The following ST6GALNAC5 variants were observed in gnomAD, a reference collection of about 807,000 sequenced individuals.
ST6GALNAC5 encodes ST6 N-acetylgalactosaminide alpha-2,6-sialyltransferase 5.
In ST6GALNAC5, 27 loss-of-function variants were observed where a neutral mutation model predicts 33.6. That is an observed-to-expected ratio of 0.80 (90% confidence interval 0.59 to 1.11). The LOEUF (loss-of-function observed/expected upper bound fraction) is 1.11, where lower values mean the gene tolerates loss of function less well. Ranked by LOEUF, ST6GALNAC5 falls within the 50% of genes least tolerant of loss-of-function variation. The pLI is 0.00. For missense variants in ST6GALNAC5, 428 were observed against 454.0 expected, an observed-to-expected ratio of 0.94 and a Z score of 0.52; for synonymous variants, 194 against 171.2, an observed-to-expected ratio of 1.13 and a Z score of -1.04.
Position 76,868,305 on chromosome 1 carries a change from G to T in ST6GALNAC5, c.16-192G>T, listed in dbSNP as rs982180054. On this transcript the variant is annotated intron_variant, in intron 1 of 4. Transcript: ENST00000477717. This position sits in a 1 kb window ranked among gnomAD's most constrained non-coding sequence, Gnocchi z 4.3. ...CGGCGGCGGCCGAAAGCAGCGACGC[G>T]CCCGGAGCATCCCTTGCGATACGCT... Among the ~76,000 whole-genome samples, 1 of 151,942 alleles carries T rather than the reference G, an allele frequency of 6.6e-6. No homozygotes were observed. Among genetic ancestry groups the T allele is most frequent in the Non-Finnish European group, 1.5e-5 (1 of 67,988 alleles).
At chr1:76,959,441 A>T (rs1416902475) in intron 2 of ST6GALNAC5, among the ~76,000 whole-genome samples, 1 of 152,072 alleles carries the variant, frequency 6.6e-6, no homozygotes, top group Non-Finnish European at 1.5e-5. Context: ...GTTTATCTAG[A>T]CCTTCTGTTC....
At chr1:76,994,293 A>G (rs1014342161) in intron 2 of ST6GALNAC5, among the ~76,000 whole-genome samples, 4 of 152,256 alleles carry the variant, frequency 2.6e-5, no homozygotes, top group African/African-American at 9.6e-5. Flanking sequence ...AAAATGCGGT[A>G]TAACAACTTA....
At chr1:77,020,139 G>A (rs1227680121) in intron 2 of ST6GALNAC5, among the ~76,000 whole-genome samples, 3 of 152,196 alleles carry the variant, frequency 2.0e-5, no homozygotes. Flanking sequence ...ATTCTGAGCT[G>A]TAAATTGGGC....
chr1:76,904,071 T>C (rs529197519), intron 2 of ST6GALNAC5, among the ~76,000 whole-genome samples: 19 of 152,122 alleles, frequency 1.2e-4, no homozygotes, highest in African/African-American at 3.9e-4. Flanking sequence ...ATTGTGAAAA[T>C]AAAACAGGAA....
intron 2 of ST6GALNAC5, among the ~76,000 whole-genome samples, chr1:76,931,166 G>A (rs888593867): frequency 1.1e-4 from 16 of 152,206 alleles, no homozygotes; most frequent in African/African-American, 3.8e-4. Flanking sequence ...GTGACTGAAT[G>A]TGGCCTCTGC....
chr1:77,004,989 G>A (rs1459357224), intron 2 of ST6GALNAC5, among the ~76,000 whole-genome samples: 2 of 150,548 alleles, frequency 1.3e-5, no homozygotes, highest in African/African-American at 4.8e-5. Flanking sequence ...ACAGACGCAG[G>A]CAGGCCTCCT....
intron 2 of ST6GALNAC5, among the ~76,000 whole-genome samples, chr1:76,998,166 T>G (rs956334192): frequency 6.6e-6 from 1 of 152,152 alleles, no homozygotes. Context: ...CATAGCAGCA[T>G]GAAAACAGAC....
intron 2 of ST6GALNAC5, among the ~76,000 whole-genome samples, chr1:76,997,237 A>G (rs993172269): frequency 2.0e-5 from 3 of 152,198 alleles, no homozygotes; most frequent in Non-Finnish European, 4.4e-5. Flanking sequence ...TAGTTTTCAC[A>G]TGTAGGCGGT....
At chr1:76,882,972 C>A (rs1015894034) in intron 2 of ST6GALNAC5, among the ~76,000 whole-genome samples, 4 of 152,148 alleles carry the variant, frequency 2.6e-5, no homozygotes, top group Non-Finnish European at 4.4e-5. Flanking sequence ...ACATACCTTG[C>A]TGTTTTGTTC....
At chr1:76,909,510 G>C (rs1646892179) in intron 2 of ST6GALNAC5, among the ~76,000 whole-genome samples, 1 of 152,078 alleles carries the variant, frequency 6.6e-6, no homozygotes. Context: ...GTTTCTTTGT[G>C]AAGACATATG....
chr1:76,887,593 C>T (rs1405688316), intron 2 of ST6GALNAC5, among the ~76,000 whole-genome samples: 1 of 152,102 alleles, frequency 6.6e-6, no homozygotes, highest in Admixed American at 6.6e-5. Context: ...ATTCTAATTG[C>T]TTTATTCAGT....
chr1:76,912,481 G>T (rs1278857080), intron 2 of ST6GALNAC5, among the ~76,000 whole-genome samples: 5 of 152,026 alleles, frequency 3.3e-5, no homozygotes, highest in Non-Finnish European at 7.4e-5. Context: ...GGGTATCCTT[G>T]TTAACTTTCT....
chr1:76,999,801 C>T (rs1272056072), intron 2 of ST6GALNAC5, among the ~76,000 whole-genome samples: 1 of 143,186 alleles, frequency 7.0e-6, no homozygotes, highest in Admixed American at 7.1e-5. Flanking sequence ...TCATCCATGT[C>T]CCTACAAAGG....
rs148581074 is a variant in ST6GALNAC5, at chr1:77,044,582, G to A, written c.640G>A (p.Glu214Lys). The A allele has an allele frequency of 2.2e-5, 34 of 1,574,746 alleles. No homozygotes were observed. The East Asian group carries it at 7.0e-4, about 32-fold the overall frequency. ...ITRHKMLQFDELFKQETGKDR... is the reference protein window; with the variant it reads ...ITRHKMLQFDKLFKQETGKDR... The stretch of plus-strand genomic sequence containing the variant: ...TCGCCACAAGATGCTGCAGTTTGAT[G>A]AGCTCTTCAAGCAGGAGACTGGCAA... The change falls in exon 3 of 5, where the codon GAG becomes AAG. Residue 214 changes from glutamate (E) to lysine (K), a missense_variant. Transcript: ENST00000477717.
At chr1:76,891,475 T>C (rs554647357) in intron 2 of ST6GALNAC5, among the ~76,000 whole-genome samples, 137 of 152,330 alleles carry the variant, frequency 9.0e-4, no homozygotes, top group Non-Finnish European at 7.9e-4. Flanking sequence ...TAATATATTC[T>C]GGATACAAGT....
At chr1:77,054,323 C>A in intron 4 of ST6GALNAC5, among the ~76,000 whole-genome samples, 1 of 152,212 alleles carries the variant, frequency 6.6e-6, no homozygotes, top group East Asian at 1.9e-4. Context: ...TCCACTGATT[C>A]TATCAGGTGG....
At chr1:76,997,233 T>C (rs960486241) in intron 2 of ST6GALNAC5, among the ~76,000 whole-genome samples, 1 of 152,200 alleles carries the variant, frequency 6.6e-6, no homozygotes, top group African/African-American at 2.4e-5. Context: ...GGATTAGTTT[T>C]CACATGTAGG....
chr1:76,918,851 A>G (rs1489356191), intron 2 of ST6GALNAC5, among the ~76,000 whole-genome samples: 1 of 152,124 alleles, frequency 6.6e-6, no homozygotes, highest in African/African-American at 2.4e-5. Context: ...AGTGGCCTCT[A>G]CACTGAAGAA....
At chr1:76,873,245 T>G (rs1488524949) in intron 2 of ST6GALNAC5, among the ~76,000 whole-genome samples, 1 of 152,222 alleles carries the variant, frequency 6.6e-6, no homozygotes, top group Non-Finnish European at 1.5e-5. Context: ...TCACATGTCA[T>G]CTTCTTATGG....
Sources: allele counts gnomAD v4.1 joint callset (sites outside exome capture counted in the v4.1 genomes callset), GRCh38; gene constraint gnomAD v4.1.1; non-coding constraint Gnocchi (gnomAD v3.1); transcripts MANE v1.5; gene names NCBI Gene and HGNC (gene_info 2026-07-23, HGNC 2026-07-21).